Variants in CMTM8 observed in about 807,000 individuals in gnomAD.
CMTM8 encodes CKLF like MARVEL transmembrane domain containing 8.
Under a neutral mutation model 18.6 loss-of-function variants are expected in CMTM8, and 12 were observed. The ratio of observed to expected loss-of-function variants is 0.65; its 90% CI spans 0.41 to 1.05. The LOEUF is 1.05. CMTM8 is among the 50% of genes least tolerant of loss of function. The pLI, the probability that CMTM8 is intolerant of heterozygous loss-of-function variation, is 0.00. For missense variants in CMTM8, 217 were observed against 227.2 expected (o/e 0.95, Z 0.29); for synonymous variants, 87 against 90.6 (o/e 0.96, Z 0.23).
intron 1 of CMTM8, among the ~76,000 whole-genome samples, chr3:32,330,369 G>A (rs1441341578): frequency 6.6e-6 from 1 of 152,094 alleles, no homozygotes; most frequent in Non-Finnish European, 1.5e-5. Context: ...CATGCTACTT[G>A]GGAGGCTAAG....
intron 1 of CMTM8, among the ~76,000 whole-genome samples, chr3:32,334,804 T>C (rs142248389): frequency 3.3e-5 from 5 of 152,162 alleles, no homozygotes; most frequent in South Asian, 2.1e-4. Context: ...AAAAAAATTG[T>C]GTAAAGTGAA....
chr3:32,245,772 C>T (rs1477789642), intron 1 of CMTM8, among the ~76,000 whole-genome samples: 5 of 152,086 alleles, frequency 3.3e-5, no homozygotes, highest in Non-Finnish European at 4.4e-5. Flanking sequence ...AAAAGCAATA[C>T]CCGACATTTG....
At chr3:32,277,854 C>T (rs780942234) in intron 1 of CMTM8, among the ~76,000 whole-genome samples, 28 of 152,160 alleles carry the variant, frequency 1.8e-4, no homozygotes, top group Admixed American at 6.5e-4. Context: ...TGGCAGTAAT[C>T]CTTTGGAGCC....
chr3:32,354,154 A>G (rs1389091855), intron 1 of CMTM8, among the ~76,000 whole-genome samples: 1 of 144,600 alleles, frequency 6.9e-6, no homozygotes, highest in East Asian at 2.2e-4. Context: ...CATTAAAAAA[A>G]AAAGTCTTAG....
chr3:32,314,186 A>T (rs1019512943), intron 1 of CMTM8, among the ~76,000 whole-genome samples: 3 of 152,146 alleles, frequency 2.0e-5, no homozygotes, highest in African/African-American at 7.2e-5. Context: ...TCCATCAACC[A>T]TTGGGCCCTC....
chr3:32,259,188 C>T (rs759302170), intron 1 of CMTM8: 47 of 485,584 alleles, frequency 9.7e-5, no homozygotes, highest in Non-Finnish European at 1.6e-4. Flanking sequence ...GCATCCAGAG[C>T]GGGAAGGAGA....
At chr3:32,280,217 A>T (rs2125549220) in intron 1 of CMTM8, among the ~76,000 whole-genome samples, 1 of 152,186 alleles carries the variant, frequency 6.6e-6, no homozygotes, top group Admixed American at 6.5e-5. Flanking sequence ...GAAGCAGGGA[A>T]CCTAAGGCTG....
intron 1 of CMTM8, among the ~76,000 whole-genome samples, chr3:32,245,231 G>A (rs1430592387): frequency 1.3e-5 from 2 of 152,158 alleles, no homozygotes; most frequent in African/African-American, 4.8e-5. Flanking sequence ...AAAATACTGA[G>A]ACAAAGAATT....
At chr3:32,314,878 C>A (rs1695889587) in intron 1 of CMTM8, among the ~76,000 whole-genome samples, 1 of 151,608 alleles carries the variant, frequency 6.6e-6, no homozygotes, top group Non-Finnish European at 1.5e-5. Flanking sequence ...CCAACTGAGG[C>A]CTTGTTGATG....
At chr3:32,275,313 C>G (rs1250490620) in intron 1 of CMTM8, among the ~76,000 whole-genome samples, 8 of 152,024 alleles carry the variant, frequency 5.3e-5, no homozygotes, top group Admixed American at 5.2e-4. Flanking sequence ...TGATCTTTTT[C>G]TGAGCAGAAT....
intron 1 of CMTM8, among the ~76,000 whole-genome samples, chr3:32,345,345 G>C (rs890074464): frequency 6.6e-6 from 1 of 152,006 alleles, no homozygotes; most frequent in Non-Finnish European, 1.5e-5. Context: ...GACAAAATGA[G>C]ACCAGTCTCA....
chr3:32,250,640 G>A (rs919441047), intron 1 of CMTM8, among the ~76,000 whole-genome samples: 1 of 151,780 alleles, frequency 6.6e-6, no homozygotes, highest in African/African-American at 2.4e-5. Context: ...TATTCTTTTT[G>A]ATGCTATTTT....
chr3:32,345,907 C>G (rs1696586540), intron 1 of CMTM8, among the ~76,000 whole-genome samples: 1 of 152,180 alleles, frequency 6.6e-6, no homozygotes, highest in Admixed American at 6.5e-5. Flanking sequence ...ATAATCCCAG[C>G]ACTTTGGGAG....
chr3:32,359,188 T>TA (rs1227573957), intron 2 of CMTM8, among the ~76,000 whole-genome samples: 6 of 152,234 alleles, frequency 3.9e-5, no homozygotes, highest in African/African-American at 1.2e-4. Context: ...GTAAGTACTG[T>TA]AGTCGTCTTG....
At chr3:32,285,020 C>G (rs1344290547) in intron 1 of CMTM8, among the ~76,000 whole-genome samples, 4 of 152,142 alleles carry the variant, frequency 2.6e-5, no homozygotes, top group Non-Finnish European at 5.9e-5. Context: ...GATCAAGGTA[C>G]ACACCTTTTC....
intron 1 of CMTM8, among the ~76,000 whole-genome samples, chr3:32,350,348 T>C (rs1412763106): frequency 6.6e-6 from 1 of 151,350 alleles, no homozygotes; most frequent in Non-Finnish European, 1.5e-5. Context: ...ATTGTTCATA[T>C]GTGTTCTAAG....
chr3:32,276,128 C>A (rs73067578), intron 1 of CMTM8, among the ~76,000 whole-genome samples: 1 of 152,030 alleles, frequency 6.6e-6, no homozygotes, highest in African/African-American at 2.4e-5. Flanking sequence ...GAATGCAGAC[C>A]GACCTCCTAT....
chr3:32,322,196 C>G (rs1052043908), intron 1 of CMTM8, among the ~76,000 whole-genome samples: 17 of 152,186 alleles, frequency 1.1e-4, no homozygotes, highest in Non-Finnish European at 8.8e-5. Flanking sequence ...GGTTCAAGAA[C>G]CCAACTGAGT....
At chr3:32,266,796 C>T (rs1269727426) in intron 1 of CMTM8, among the ~76,000 whole-genome samples, 1 of 152,168 alleles carries the variant, frequency 6.6e-6, no homozygotes, top group Non-Finnish European at 1.5e-5. Context: ...CACAGGCATT[C>T]TTATACACCA....
Sources: gnomAD v4.1 joint callset for allele counts (sites outside exome capture counted in the v4.1 genomes callset) on GRCh38, gnomAD v4.1.1 for gene constraint, MANE v1.5 for transcripts, NCBI Gene and HGNC (gene_info 2026-07-23, HGNC 2026-07-21) for gene names.